Variants in FEZ1 observed in about 807,000 individuals in gnomAD.
FEZ1 encodes the protein fasciculation and elongation protein zeta 1, also known as fasciculation and elongation protein zeta-1.
Under a neutral mutation model 49.3 loss-of-function variants are expected in FEZ1, and 20 were observed. The observed-to-expected ratio is 0.41, with a 90% CI of 0.29 to 0.59. The LOEUF (loss-of-function observed/expected upper bound fraction) is 0.59. FEZ1 is among the 20% of genes least tolerant of loss of function. The pLI, the probability that FEZ1 is intolerant of heterozygous loss-of-function variation, is 0.36. For missense variants in FEZ1, 413 were observed against 476.0 expected (o/e 0.87, Z 1.23); for synonymous variants, 170 against 180.9 (o/e 0.94, Z 0.48).
chr11:125,453,870 T>G (rs753309603), intron 7 of FEZ1: 9 of 318,604 alleles, frequency 2.8e-5, no homozygotes, highest in Middle Eastern at 8.4e-4. Flanking sequence ...ACTTAATTCT[T>G]AGACCTACAA....
intron 2 of FEZ1, among the ~76,000 whole-genome samples, chr11:125,482,536 A>G (rs1957291652): frequency 6.6e-6 from 1 of 152,186 alleles, no homozygotes; most frequent in Non-Finnish European, 1.5e-5. Context: ...AAGAGGAGGG[A>G]GGTTGGGGAA....
chr11:125,475,520 G>C (rs1957223206), intron 3 of FEZ1, among the ~76,000 whole-genome samples: 2 of 152,042 alleles, frequency 1.3e-5, no homozygotes, highest in Admixed American at 1.3e-4. Flanking sequence ...ATTTAGACAT[G>C]GGAGTTAAAT....
At chr11:125,491,672 T>G (rs572173372) in intron 1 of FEZ1, among the ~76,000 whole-genome samples, 1 of 152,264 alleles carries the variant, frequency 6.6e-6, no homozygotes. Flanking sequence ...CCATTCTCCA[T>G]CTCTACCTAC....
chr11:125,490,868 A>G lies in FEZ1; in HGVS notation c.-45-1046T>C, dbSNP rs533926611. On this transcript the variant is annotated intron_variant, in intron 1 of 9. Transcript: ENST00000278919. The stretch of plus-strand genomic sequence containing the variant: ...CAACCTACACCTCTGGGTTCCACCA[A>G]TCCTCATGCCTTGGCCTCCCAAGTA... Among the ~76,000 whole-genome samples, 8 of 152,188 alleles carry G rather than the reference A, an allele frequency of 5.3e-5. No homozygotes were observed. The East Asian group carries it at 1.5e-3, about 29-fold the overall frequency.
chr11:125,473,069 G>A (rs917492246), intron 3 of FEZ1, among the ~76,000 whole-genome samples: 2 of 152,046 alleles, frequency 1.3e-5, no homozygotes, highest in African/African-American at 4.8e-5. Flanking sequence ...AAAGGACACA[G>A]TTGGAGAACT....
At chr11:125,492,207 A>C (rs1957388986) in intron 1 of FEZ1, among the ~76,000 whole-genome samples, 2 of 152,188 alleles carry the variant, frequency 1.3e-5, no homozygotes, top group African/African-American at 4.8e-5. Context: ...GCCACATTGC[A>C]AGTGCTCAAC....
At chr11:125,493,352 AG>A (rs1957402267) in intron 1 of FEZ1, among the ~76,000 whole-genome samples, 1 of 140,686 alleles carries the variant, frequency 7.1e-6, no homozygotes, top group African/African-American at 2.8e-5. Context: ...AAAGAAAGAA[AG>A]AAAGAGAGAA....
chr11:125,475,374 A>G (rs1957222114), intron 3 of FEZ1, among the ~76,000 whole-genome samples: 3 of 152,114 alleles, frequency 2.0e-5, no homozygotes, highest in African/African-American at 7.2e-5. Flanking sequence ...AGCAAATTAG[A>G]ACTGAAATAA....
chr11:125,464,423 C>A (rs978744681), intron 3 of FEZ1, among the ~76,000 whole-genome samples: 5 of 152,036 alleles, frequency 3.3e-5, no homozygotes, highest in African/African-American at 1.2e-4. Flanking sequence ...CTGATTTGAA[C>A]GTCATACAAG....
rs1956892615 is a variant in FEZ1 at position 125,445,766 on chromosome 11, G to A, written c.*329C>T. ...CATGAAGAATATTAATTAAATGAAG[G>A]TTTTATTTCAAAATTAGTCTTAAGA... is the stretch of plus-strand genomic sequence containing the variant. On this transcript the variant is annotated 3_prime_UTR_variant, in exon 10 of 10. Transcript: ENST00000278919. The surrounding 1 kb of genome is among the most constrained non-coding windows in gnomAD (Gnocchi z 4.4). 5.3e-6 allele frequency: 2 copies of A among 378,996 alleles called. No homozygotes were observed. The highest frequency in any genetic ancestry group is 7.4e-5 in the Admixed American group (2 of 27,066). The allele number at this position is 378,996 out of a possible 1,614,324, so 23.5% of individuals were successfully genotyped here.
At chr11:125,457,957 T>G (rs1199632632) in intron 5 of FEZ1, among the ~76,000 whole-genome samples, 1 of 152,236 alleles carries the variant, frequency 6.6e-6, no homozygotes, top group Non-Finnish European at 1.5e-5. Flanking sequence ...TTCTGTTTTT[T>G]TGCCATTTCA....
intron 6 of FEZ1, among the ~76,000 whole-genome samples, chr11:125,454,729 T>C (rs899663424): frequency 1.3e-5 from 2 of 151,920 alleles, no homozygotes; most frequent in Admixed American, 6.6e-5. Context: ...TTAAGAAGCA[T>C]GAGTGGCTGG....
intron 3 of FEZ1, among the ~76,000 whole-genome samples, chr11:125,463,974 G>A (rs1957099555): frequency 6.6e-6 from 1 of 152,152 alleles, no homozygotes; most frequent in South Asian, 2.1e-4. Context: ...TCCAACCTGG[G>A]GGGTTGTTTC....
At chr11:125,491,326 C>G (rs932023906) in intron 1 of FEZ1, among the ~76,000 whole-genome samples, 9 of 152,066 alleles carry the variant, frequency 5.9e-5, no homozygotes, top group Non-Finnish European at 5.9e-5. Flanking sequence ...TACATCTGGG[C>G]CCCATTCAAT....
At chr11:125,484,589 A>C (rs1341760256) in intron 2 of FEZ1, among the ~76,000 whole-genome samples, 1 of 151,602 alleles carries the variant, frequency 6.6e-6, no homozygotes, top group African/African-American at 2.4e-5. Flanking sequence ...AATCACTTGA[A>C]CCTGGGAGGC....
chr11:125,467,488 TGA>T (rs1471626299), intron 3 of FEZ1, among the ~76,000 whole-genome samples: 3 of 152,232 alleles, frequency 2.0e-5, no homozygotes, highest in African/African-American at 7.2e-5. Flanking sequence ...AAGAGAGGAC[TGA>T]GAGCAGTACT....
In FEZ1 at chr11:125,456,485, C is replaced by T. The variant is rs73621300; in HGVS notation, c.668-379G>A. Among the ~76,000 whole-genome samples, 798 of 152,268 alleles carry T rather than the reference C, an allele frequency of 5.2e-3. 7 individuals are homozygous for T. The highest frequency in any genetic ancestry group is 0.018 in the African/African-American group (746 of 41,546). ...AAAGTGATGGGAGGGAGGTTTTTGT[C>T]ATCCATACTGAAGAGCAATAGAGAC... On this transcript the variant is annotated intron_variant, in intron 5 of 9. Transcript: ENST00000278919.
intron 5 of FEZ1, among the ~76,000 whole-genome samples, chr11:125,459,358 G>A (rs1006428496): frequency 3.9e-5 from 6 of 152,128 alleles, no homozygotes; most frequent in African/African-American, 2.4e-5. Flanking sequence ...TTGGGAGACC[G>A]AGGCAGGCGG....
At position 125,448,495 on chromosome 11, in the gene FEZ1, C is replaced by T; in HGVS notation, c.1162+7G>A. 1.2e-6 allele frequency: 2 copies of T among 1,601,446 alleles called. No individual in the cohort carries two copies. Among genetic ancestry groups the T allele is most frequent in the East Asian group, 2.2e-5 (1 of 44,800 alleles). ...TTCTGCTCCAGGAGGCCTGGGGCTG[C>T]TCTTACCTTTTAAAATGTAGTCCGT... On this transcript the variant is annotated splice_region_variant and intron_variant, in intron 9 of 9. Transcript: ENST00000278919.
Sources: gnomAD v4.1 joint callset for allele counts (sites outside exome capture counted in the v4.1 genomes callset) on GRCh38, gnomAD v4.1.1 for gene constraint, Gnocchi (gnomAD v3.1) non-coding constraint, MANE v1.5 for transcripts, NCBI Gene and HGNC (gene_info 2026-07-23, HGNC 2026-07-21) for gene names.